Variants in SYT3 observed in about 807,000 individuals in gnomAD.
The protein encoded by SYT3 is synaptotagmin 3.
SYT3 carries 25 observed loss-of-function variants against 50.6 expected under a neutral mutation model. That is an observed-to-expected ratio of 0.49 (90% confidence interval 0.36 to 0.69). The LOEUF (loss-of-function observed/expected upper bound fraction) is 0.69. SYT3 is among the 30% of genes least tolerant of loss of function. The pLI, the probability that SYT3 is intolerant of heterozygous loss-of-function variation, is 0.00. For missense variants in SYT3, 589 were observed against 793.6 expected, an observed-to-expected ratio of 0.74 and a Z score of 3.10; for synonymous variants, 323 against 353.9, an observed-to-expected ratio of 0.91 and a Z score of 0.98.
intron 6 of SYT3, among the ~76,000 whole-genome samples, chr19:50,626,846 A>G (rs1984089186): frequency 6.6e-6 from 1 of 152,028 alleles, no homozygotes; most frequent in East Asian, 1.9e-4. Context: ...GGGTGCATAA[A>G]GACCCAGAGA....
At chr19:50,622,830 A>T (rs1983901930) in intron 9 of SYT3, 75 bp from the exon 10 acceptor site, 2 of 641,204 alleles carry the variant, frequency 3.1e-6, no homozygotes, top group Admixed American at 4.9e-5. Flanking sequence ...CAACAGGAGA[A>T]GACGTCAATC....
chr19:50,645,219 G>A, the SYT3 span, among the ~76,000 whole-genome samples: 323 of 152,354 alleles, frequency 2.1e-3, 2 homozygotes, highest in African/African-American at 6.4e-3. Flanking sequence ...TGATTCAGGG[G>A]TGTGTGTTTT....
the SYT3 span, among the ~76,000 whole-genome samples, chr19:50,655,664 A>G: frequency 3.3e-5 from 5 of 151,932 alleles, no homozygotes; most frequent in Non-Finnish European, 7.4e-5. Flanking sequence ...AAAAAAACAA[A>G]AAACCTGAAA....
chr19:50,646,465 C>T, the SYT3 span, among the ~76,000 whole-genome samples: 1 of 152,198 alleles, frequency 6.6e-6, no homozygotes, highest in Admixed American at 6.5e-5. Flanking sequence ...ATTCATTCAA[C>T]TCATGTGTCC....
chr19:50,630,725 A>G (rs925651177), intron 4 of SYT3, among the ~76,000 whole-genome samples: 3 of 151,938 alleles, frequency 2.0e-5, no homozygotes, highest in Non-Finnish European at 4.4e-5. Context: ...ACCCAGCCTC[A>G]TTCTCCCCAT....
chr19:50,641,265 C>T (rs565862027), upstream of SYT3, among the ~76,000 whole-genome samples: 29 of 149,146 alleles, frequency 1.9e-4, no homozygotes, highest in African/African-American at 6.2e-4. Flanking sequence ...CTGAAAGCTC[C>T]GCCTCCCGGG....
At chr19:50,623,686 C>T (rs1024251640) in intron 9 of SYT3, among the ~76,000 whole-genome samples, 4 of 147,788 alleles carry the variant, frequency 2.7e-5, no homozygotes, top group African/African-American at 1.0e-4. Flanking sequence ...CCTGTAGTCC[C>T]AGCTACTTGG....
chr19:50,632,618 C>T lies in SYT3; in HGVS notation c.342G>A (p.Gly114=), dbSNP rs1270924028. Residue 114 remains glycine, a synonymous_variant, in exon 4 of 11, where the codon GGG becomes GGA. Transcript: ENST00000600079. The surrounding 1 kb of genome is among the most constrained non-coding windows in gnomAD (Gnocchi z 4.7). ...CACCCAGGCCAGCCGCCAGGTGGTG[C>T]CCGCCTCCGCCTACCAGGCCTGCCA... is the stretch of plus-strand genomic sequence containing the variant. ...VGLAGLVGGG[G]HHLAAGLGGH... 4 of 1,578,006 alleles carry T rather than the reference C, an allele frequency of 2.5e-6. No individual in the cohort carries two copies. The East Asian group carries it at 6.8e-5, about 27-fold the overall frequency.
chr19:50,629,141 G>C (rs1401683331), intron 6 of SYT3, among the ~76,000 whole-genome samples, 153 bp downstream of exon 6: 1 of 152,124 alleles, frequency 6.6e-6, no homozygotes, highest in Non-Finnish European at 1.5e-5. Context: ...ATTCTTGCCT[G>C]TAAGTTTGCA....
Position 50,632,301 on chromosome 19 carries a change from A to G in SYT3, c.659T>C (p.Leu220Pro). 1 of 1,576,966 alleles carries G rather than the reference A, an allele frequency of 6.3e-7. No individual in the cohort carries two copies. Among genetic ancestry groups the G allele is most frequent in the Non-Finnish European group, 8.7e-7 (1 of 1,155,004 alleles). ...SAQSHQQVTS[L>P]APTTRYPALP... The stretch of plus-strand genomic sequence containing the variant: ...CCTCTCTCACCTGGTAGTGGGTGCC[A>G]GGCTTGTGACCTGCTGATGTGACTG... Residue 220 changes from leucine to proline, a missense_variant, in exon 4 of 11, where the codon CTG becomes CCG. Coordinates refer to ENST00000600079, the MANE Select transcript of SYT3 (RefSeq NM_001160329.2). The surrounding 1 kb of genome is among the most constrained non-coding windows in gnomAD (Gnocchi z 4.7).
intron 6 of SYT3, among the ~76,000 whole-genome samples, chr19:50,626,514 C>T (rs1228525587): frequency 8.3e-6 from 1 of 120,848 alleles, no homozygotes; most frequent in Non-Finnish European, 1.7e-5. Context: ...GGGGGGGGGA[C>T]AGAGACCCAG....
In SYT3 at chr19:50,639,387, T is replaced by C. The variant is rs1248909570; in HGVS notation, c.-153-225A>G. On this transcript the variant is annotated intron_variant, in intron 1 of 10. Transcript: ENST00000600079. This position sits in a 1 kb window ranked among gnomAD's most constrained non-coding sequence, Gnocchi z 4.6. Reference sequence around the variant, plus strand: ...AGGATCTGCTGGGAGTTGAAGTCCTTAATGCCTCCGGGCTGCAGAGAGGAT... The same window carrying C: ...AGGATCTGCTGGGAGTTGAAGTCCTCAATGCCTCCGGGCTGCAGAGAGGAT... The C allele has an allele frequency of 6.6e-6, 1 of 151,720 alleles. No individual in the cohort carries two copies. Among genetic ancestry groups the C allele is most frequent in the Non-Finnish European group, 1.5e-5 (1 of 68,050 alleles). The allele number at this position is 151,720 out of a possible 1,614,324, so 9.4% of individuals were successfully genotyped here. A position where few individuals can be genotyped will look rare whatever the true frequency, so the allele number is the denominator to read the frequency against.
Position 50,625,196 on chromosome 19 carries a change from C to G in SYT3, c.1673G>C (p.Arg558Pro). 1 of 1,602,070 alleles carries G rather than the reference C, an allele frequency of 6.2e-7. No individual in the cohort carries two copies. Residue 558 changes from arginine to proline, a missense_variant, in exon 9 of 11, where the codon CGC becomes CCC. Arg to Pro is a moderately radical substitution (Grantham distance 103). This residue lies in a region of SYT3 where 273 missense variants were observed against 439.3 expected (regional missense o/e 0.62). Transcript: ENST00000600079. This position sits in a 1 kb window ranked among gnomAD's most constrained non-coding sequence, Gnocchi z 7.5. ...EHWAEMLANP[R>P]KPVEHWHQLV... ...CTGATGCCAGTGCTCCACGGGCTTG[C>G]GGGGATTGGCCAGCATCTCTGCCCA... is the stretch of plus-strand genomic sequence containing the variant.
In SYT3 at chr19:50,630,170, A is replaced by T; in HGVS notation, c.676T>A (p.Tyr226Asn). 1 of 1,518,318 alleles carries T rather than the reference A, an allele frequency of 6.6e-7. No individual in the cohort carries two copies. The highest frequency in any genetic ancestry group is 8.8e-7 in the Non-Finnish European group (1 of 1,130,106). The allele number at this position is 1,518,318 out of a possible 1,614,324, so 94.1% of individuals were successfully genotyped here. ...GTGAGGGGTCGGGGCAGGGCTGGGTACCTGTAGGGGGTTGGGGGGAGACCA... is the reference window on the plus strand; with the variant it reads ...GTGAGGGGTCGGGGCAGGGCTGGGTTCCTGTAGGGGGTTGGGGGGAGACCA... Reference protein sequence around the residue: ...QVTSLAPTTRYPALPRPLTQQ... With the variant: ...QVTSLAPTTRNPALPRPLTQQ... Residue 226 changes from tyrosine to asparagine, a missense_variant and splice_region_variant, in exon 5 of 11, where the codon TAC (tyrosine) becomes AAC (asparagine). Physicochemically the swap from Tyr to Asn is moderately radical, Grantham distance 143. This residue lies in a region of SYT3 where 316 missense variants were observed against 354.3 expected (regional missense o/e 0.89). Transcript: ENST00000600079.
At chr19:50,656,192 C>G in the SYT3 span, 3 of 1,536,006 alleles carry the variant, frequency 2.0e-6, no homozygotes, top group Non-Finnish European at 2.6e-6. Flanking sequence ...GAACCCTGAC[C>G]TCAGAGGTCC....
At chr19:50,628,017 C>T (rs531258653) in intron 6 of SYT3, among the ~76,000 whole-genome samples, 1 of 151,656 alleles carries the variant, frequency 6.6e-6, no homozygotes, top group Non-Finnish European at 1.5e-5. Context: ...ATGAAGAAGC[C>T]TACCCAAAGA....
At position 50,632,312 on chromosome 19, in the gene SYT3, C is replaced by G. The variant is rs1456285800; in HGVS notation, c.648G>C (p.Gln216His). 1.3e-6 allele frequency: 2 copies of G among 1,586,814 alleles called. No homozygotes were observed. Among genetic ancestry groups the G allele is most frequent in the Non-Finnish European group, 1.7e-6 (2 of 1,160,120 alleles). Reference sequence around the variant, plus strand: ...TGGTAGTGGGTGCCAGGCTTGTGACCTGCTGATGTGACTGGGCACTGGGCA... The same window carrying G: ...TGGTAGTGGGTGCCAGGCTTGTGACGTGCTGATGTGACTGGGCACTGGGCA... ...GGLPSAQSHQ[Q>H]VTSLAPTTRY... The change falls in exon 4 of 11, where the codon CAG becomes CAC. Residue 216 changes from glutamine (Q) to histidine (H), a missense_variant. Gln to His is a conservative substitution (Grantham distance 24, BLOSUM62 0). Transcript: ENST00000600079. The surrounding 1 kb of genome is among the most constrained non-coding windows in gnomAD (Gnocchi z 4.7).
At chr19:50,658,103 T>C in the SYT3 span, 1 of 1,535,412 alleles carries the variant, frequency 6.5e-7, no homozygotes, top group Non-Finnish European at 8.7e-7. Context: ...GAACGTCATC[T>C]GTGGGACTGC....
At position 50,629,397 on chromosome 19, in the gene SYT3, G is replaced by A. The variant is rs1984195967; in HGVS notation, c.1178C>T (p.Ser393Leu). 3 of 1,613,978 alleles carry A rather than the reference G, an allele frequency of 1.9e-6. No individual in the cohort carries two copies. Among genetic ancestry groups the A allele is most frequent in the Non-Finnish European group, 2.5e-6 (3 of 1,179,928 alleles). ...CACCTGGCCGATGAGGTCGTGCCGC[G>A]AGAAGCGGTCAAAGTCATAGACGCT... ...HFSVYDFDRF[S>L]RHDLIGQVVL... The change falls in exon 6 of 11, where the codon TCG (serine) becomes TTG (leucine). Residue 393 changes from serine to leucine, a missense_variant. This residue lies in a region of SYT3 where 273 missense variants were observed against 439.3 expected (regional missense o/e 0.62). Transcript: ENST00000600079.
Sources: gnomAD v4.1 joint callset for allele counts (sites outside exome capture counted in the v4.1 genomes callset) on GRCh38, gnomAD v4.1.1 for gene constraint, gnomAD v4.1.1 regional missense constraint, Gnocchi (gnomAD v3.1) non-coding constraint, MANE v1.5 for transcripts, NCBI Gene and HGNC (gene_info 2026-07-23, HGNC 2026-07-21) for gene names.